Variants in SEC22A observed in about 807,000 individuals in gnomAD.
SEC22A encodes the protein vesicle-trafficking protein SEC22a.
Under a neutral mutation model 35.3 loss-of-function variants are expected in SEC22A, and 22 were observed. The ratio of observed to expected loss-of-function variants is 0.62; its 90% confidence interval spans 0.45 to 0.89. The LOEUF is 0.89. Ranked by LOEUF, SEC22A falls within the 40% of genes least tolerant of loss-of-function variation. SEC22A has a pLI of 0.00. For missense variants in SEC22A, 354 were observed against 362.5 expected (o/e 0.98, Z 0.19); for synonymous variants, 119 against 129.5 (o/e 0.92, Z 0.55).
At chr3:123,236,601 T>C (rs1016475586) in intron 4 of SEC22A, among the ~76,000 whole-genome samples, 6 of 151,970 alleles carry the variant, frequency 3.9e-5, no homozygotes, top group Non-Finnish European at 8.8e-5. Context: ...AATCATATTG[T>C]TCTCTAAAAT....
rs189190459 is a variant in SEC22A at position 123,246,478 on chromosome 3, T to C, written c.657+464T>C. On this transcript the variant is annotated intron_variant, in intron 5 of 6. Transcript: ENST00000492595. ...CACACGTGGGCTGTGTTTATTCCAC[T>C]TCTGTGTATTCCCTACTTAGTTCAT... Among the ~76,000 whole-genome samples, 18 of 152,334 alleles carry C rather than the reference T, an allele frequency of 1.2e-4. No homozygotes were observed. The East Asian group carries it at 3.3e-3, about 28-fold the overall frequency.
intron 2 of SEC22A, among the ~76,000 whole-genome samples, chr3:123,215,034 T>A (rs953788763): frequency 1.3e-5 from 2 of 152,222 alleles, no homozygotes; most frequent in Non-Finnish European, 2.9e-5. Flanking sequence ...TCGGGAAATT[T>A]TCTGATTACT....
chr3:123,263,032 C>G (rs544308478), intron 6 of SEC22A, among the ~76,000 whole-genome samples: 3 of 152,274 alleles, frequency 2.0e-5, no homozygotes, highest in African/African-American at 7.2e-5. Flanking sequence ...ACAGGGATCC[C>G]TCATGTTGCC....
rs74533103 is a variant in SEC22A at position 123,230,959 on chromosome 3, T to C, written c.541+5662T>C. On this transcript the variant is annotated intron_variant, in intron 4 of 6. Transcript: ENST00000492595. Reference sequence around the variant, plus strand: ...CCTTAGATTCAAATATACAAATAGATTGAAAGTCAAAGGATAAAAAAAGAT... The same window carrying C: ...CCTTAGATTCAAATATACAAATAGACTGAAAGTCAAAGGATAAAAAAAGAT... Among the ~76,000 whole-genome samples, 481 of 151,994 alleles carry C rather than the reference T, an allele frequency of 3.2e-3. 1 individual carries two copies. Among genetic ancestry groups the C allele is most frequent in the Non-Finnish European group, 5.3e-3 (363 of 67,948 alleles).
chr3:123,204,265 TA>T lies in SEC22A; in HGVS notation c.-20+2282del, dbSNP rs778567705. Among the ~76,000 whole-genome samples, 7 of 152,150 alleles carry T rather than the reference TA, an allele frequency of 4.6e-5. No individual in the cohort carries two copies. The South Asian group carries it at 1.5e-3, about 32-fold the overall frequency. The stretch of plus-strand genomic sequence containing the variant: ...TTTCACAGATATTATTGCTAAAAAA[TA>T]AAGGACAAGAAAAGTAAGTCAATTC... On this transcript the variant is annotated intron_variant, in intron 1 of 6. Transcript: ENST00000492595.
At chr3:123,214,791 C>A (rs930760325) in intron 2 of SEC22A, among the ~76,000 whole-genome samples, 5 of 152,084 alleles carry the variant, frequency 3.3e-5, no homozygotes, top group Admixed American at 6.6e-5. Flanking sequence ...AAGACAAATA[C>A]CTTTTGGGAA....
chr3:123,203,390 A>T (rs1340976448), intron 1 of SEC22A, among the ~76,000 whole-genome samples: 1 of 152,210 alleles, frequency 6.6e-6, no homozygotes, highest in Non-Finnish European at 1.5e-5. Flanking sequence ...TAATCAATAA[A>T]TAATACAGCA....
chr3:123,264,625 ATTT>A (rs369549384), intron 6 of SEC22A, among the ~76,000 whole-genome samples: 3 of 133,268 alleles, frequency 2.3e-5, no homozygotes, highest in African/African-American at 2.8e-5. Context: ...ACATCTTTTG[ATTT>A]TTTTTTTTTT....
intron 5 of SEC22A, among the ~76,000 whole-genome samples, chr3:123,246,216 T>G (rs1937565089): frequency 6.6e-6 from 1 of 152,224 alleles, no homozygotes; most frequent in Non-Finnish European, 1.5e-5. Context: ...ATCTGCTCTT[T>G]AGGAGGCACT....
At chr3:123,209,723 T>C (rs930716211) in intron 2 of SEC22A, among the ~76,000 whole-genome samples, 1 of 152,230 alleles carries the variant, frequency 6.6e-6, no homozygotes, top group African/African-American at 2.4e-5. Flanking sequence ...TTACCTGATA[T>C]CTGCCCTCAA....
At chr3:123,234,283 A>G (rs1454592627) in intron 4 of SEC22A, among the ~76,000 whole-genome samples, 1 of 152,234 alleles carries the variant, frequency 6.6e-6, no homozygotes, top group African/African-American at 2.4e-5. Context: ...CCTAAAATTC[A>G]TATGGAAATG....
At position 123,209,248 on chromosome 3, in the gene SEC22A, C is replaced by T; in HGVS notation, c.31C>T (p.Arg11Cys). The change falls in exon 2 of 7, where the codon CGT (arginine) becomes TGT (cysteine). Residue 11 changes from arginine to cysteine, a missense_variant. Transcript: ENST00000492595. The stretch of plus-strand genomic sequence containing the variant: ...TATGATTTTATCTGCCTCAGTCATT[C>T]GTGTCAGAGATGGACTGCCACTTTC... Reference protein sequence around the residue: MSMILSASVIRVRDGLPLSAS... With the variant: MSMILSASVICVRDGLPLSAS... 1 of 1,614,014 alleles carries T rather than the reference C, an allele frequency of 6.2e-7. No individual in the cohort carries two copies. Among genetic ancestry groups the T allele is most frequent in the South Asian group, 1.1e-5 (1 of 91,068 alleles).
intron 2 of SEC22A, among the ~76,000 whole-genome samples, chr3:123,217,203 ATT>A (rs201483175): frequency 6.9e-6 from 1 of 144,786 alleles, no homozygotes; most frequent in African/African-American, 2.5e-5. Flanking sequence ...ATTCCAAAAC[ATT>A]TTTTTTTTTT....
chr3:123,204,152 C>T (rs920787245), intron 1 of SEC22A, among the ~76,000 whole-genome samples: 4 of 152,152 alleles, frequency 2.6e-5, no homozygotes, highest in African/African-American at 9.7e-5. Context: ...TTAAAAAATT[C>T]TCCCCAAATT....
intron 5 of SEC22A, among the ~76,000 whole-genome samples, chr3:123,254,212 G>A (rs190220270): frequency 1.1e-4 from 17 of 151,958 alleles, no homozygotes; most frequent in Admixed American, 1.0e-3. Context: ...TAAAGAGACA[G>A]GGTCTCGCTG....
At chr3:123,221,386 G>A (rs576088903) in intron 2 of SEC22A, among the ~76,000 whole-genome samples, 7 of 145,768 alleles carry the variant, frequency 4.8e-5, no homozygotes, top group Admixed American at 2.1e-4. Flanking sequence ...CAGGAGAATC[G>A]CTTGAACCCG....
chr3:123,235,871 G>C (rs1426177623), intron 4 of SEC22A, among the ~76,000 whole-genome samples: 1 of 152,094 alleles, frequency 6.6e-6, no homozygotes, highest in Non-Finnish European at 1.5e-5. Flanking sequence ...GCCATAAAAA[G>C]GAATAAAGTA....
At chr3:123,209,579 T>C (rs1490671522) in intron 2 of SEC22A, among the ~76,000 whole-genome samples, 180 bp downstream of exon 2, 1 of 152,254 alleles carries the variant, frequency 6.6e-6, no homozygotes, top group African/African-American at 2.4e-5. Context: ...AGTTTCTTTG[T>C]ATCTGGCTCT....
chr3:123,228,777 A>G (rs1937261824), intron 4 of SEC22A, among the ~76,000 whole-genome samples: 1 of 152,068 alleles, frequency 6.6e-6, no homozygotes, highest in African/African-American at 2.4e-5. Context: ...AGGTATGATA[A>G]TGTTGCATCA....
Sources: allele counts gnomAD v4.1 joint callset (sites outside exome capture counted in the v4.1 genomes callset), GRCh38; gene constraint gnomAD v4.1.1; transcripts MANE v1.5; gene names NCBI Gene and HGNC (gene_info 2026-07-23, HGNC 2026-07-21).